Variants in ADAM23 observed in about 807,000 individuals in gnomAD.
ADAM23 encodes ADAM metallopeptidase domain 23.
ADAM23 carries 33 observed loss-of-function variants against 120.1 expected under a neutral mutation model. That is an observed-to-expected ratio of 0.27 (90% CI 0.21 to 0.37). The LOEUF (loss-of-function observed/expected upper bound fraction) is 0.37, where lower values mean the gene tolerates loss of function less well. Among genes scored for constraint, ADAM23 ranks in the 10% least tolerant of loss-of-function variants. The pLI is 1.00. For missense variants in ADAM23, 862 were observed against 1,058.2 expected, an observed-to-expected ratio of 0.81 and a Z score of 2.57; for synonymous variants, 367 against 375.2, an observed-to-expected ratio of 0.98 and a Z score of 0.25.
chr2:206,449,158 C>T (rs759750445), intron 2 of ADAM23, among the ~76,000 whole-genome samples: 13 of 152,112 alleles, frequency 8.5e-5, no homozygotes, highest in African/African-American at 2.4e-4. Flanking sequence ...CCCTCCCATA[C>T]GTCAGATGTC....
intron 3 of ADAM23, among the ~76,000 whole-genome samples, chr2:206,510,308 A>T (rs1696596325): frequency 6.6e-6 from 1 of 152,226 alleles, no homozygotes; most frequent in Admixed American, 6.5e-5. Flanking sequence ...AACAAAACAT[A>T]TTACTTGCTA....
At chr2:206,474,661 A>G (rs1695738274) in intron 2 of ADAM23, among the ~76,000 whole-genome samples, 1 of 152,180 alleles carries the variant, frequency 6.6e-6, no homozygotes, top group African/African-American at 2.4e-5. Context: ...TGCAGCCTCA[A>G]ACACCTGGGC....
chr2:206,461,142 A>G (rs1695409984), intron 2 of ADAM23, among the ~76,000 whole-genome samples: 1 of 146,826 alleles, frequency 6.8e-6, no homozygotes, highest in Non-Finnish European at 1.5e-5. Flanking sequence ...GGCTCACTGC[A>G]ACATCGCCTC....
At chr2:206,600,975 C>T (rs927906383) in intron 24 of ADAM23, among the ~76,000 whole-genome samples, 3 of 152,148 alleles carry the variant, frequency 2.0e-5, no homozygotes, top group East Asian at 3.8e-4. Context: ...GTCCTTCTCT[C>T]AACTTGTTTC....
At chr2:206,592,823 G>T (rs1290591825) in intron 22 of ADAM23, 87 bp downstream of exon 22, 5 of 1,471,958 alleles carry the variant, frequency 3.4e-6, no homozygotes, top group Admixed American at 2.1e-5. Context: ...AGAAATCAAA[G>T]ATTTTTCTAG....
chr2:206,548,805 C>T (rs146331169), intron 8 of ADAM23, among the ~76,000 whole-genome samples: 2 of 152,222 alleles, frequency 1.3e-5, no homozygotes, highest in East Asian at 1.9e-4. Flanking sequence ...AGATTAAAAA[C>T]TCTGTTACAC....
chr2:206,610,464 G>A (rs959215265), intron 25 of ADAM23, among the ~76,000 whole-genome samples: 5 of 152,162 alleles, frequency 3.3e-5, no homozygotes, highest in African/African-American at 1.2e-4. Flanking sequence ...AGTATATGTA[G>A]CTTTGTGATT....
intron 3 of ADAM23, among the ~76,000 whole-genome samples, chr2:206,496,932 C>A (rs1574497624): frequency 6.6e-6 from 1 of 152,166 alleles, no homozygotes; most frequent in Non-Finnish European, 1.5e-5. Flanking sequence ...GACACATACA[C>A]TCTCCCAAGA....
chr2:206,579,241 G>A (rs1194291938), intron 18 of ADAM23, among the ~76,000 whole-genome samples: 1 of 151,968 alleles, frequency 6.6e-6, no homozygotes, highest in Non-Finnish European at 1.5e-5. Flanking sequence ...GTTTAATTAG[G>A]TCCCAACTAT....
intron 24 of ADAM23, among the ~76,000 whole-genome samples, chr2:206,603,429 T>G (rs989068406): frequency 4.6e-5 from 7 of 152,200 alleles, no homozygotes; most frequent in African/African-American, 1.7e-4. Flanking sequence ...ACAACCATGT[T>G]CAGTACAATG....
intron 4 of ADAM23, among the ~76,000 whole-genome samples, chr2:206,536,894 C>CG (rs1444936143): frequency 1.3e-5 from 2 of 151,848 alleles, no homozygotes; most frequent in African/African-American, 2.4e-5. Flanking sequence ...TTAGTAGAGA[C>CG]GGGGTGTCAC....
At chr2:206,470,312 A>G (rs1275766600) in intron 2 of ADAM23, among the ~76,000 whole-genome samples, 1 of 151,328 alleles carries the variant, frequency 6.6e-6, no homozygotes, top group Non-Finnish European at 1.5e-5. Flanking sequence ...TCACATTTAG[A>G]AAAAAAAATG....
chr2:206,591,791 T>C (rs1315650841), intron 21 of ADAM23, among the ~76,000 whole-genome samples: 23 of 152,232 alleles, frequency 1.5e-4, no homozygotes, highest in Admixed American at 1.4e-3. Flanking sequence ...AATTTTATTG[T>C]ACCATATTTC....
intron 6 of ADAM23, among the ~76,000 whole-genome samples, chr2:206,544,413 GA>G (rs1349375211): frequency 7.2e-5 from 11 of 152,068 alleles, no homozygotes; most frequent in African/African-American, 2.4e-4. Flanking sequence ...ATATTGTATT[GA>G]GGGCTTACTA....
At chr2:206,558,645 A>G (rs1697695034) in intron 10 of ADAM23, among the ~76,000 whole-genome samples, 1 of 152,198 alleles carries the variant, frequency 6.6e-6, no homozygotes, top group Non-Finnish European at 1.5e-5. Context: ...GTGAATGTGG[A>G]AAAGAGAATC....
At chr2:206,486,651 C>T (rs929917964) in intron 3 of ADAM23, among the ~76,000 whole-genome samples, 12 of 152,034 alleles carry the variant, frequency 7.9e-5, no homozygotes, top group African/African-American at 2.9e-4. Context: ...TTCTTAACTT[C>T]TTCCTTTTCT....
In ADAM23 at chr2:206,559,975, C is replaced by T; in HGVS notation, c.1026C>T (p.Asn342=). 1 of 1,613,804 alleles carries T rather than the reference C, an allele frequency of 6.2e-7. No individual in the cohort carries two copies. Among genetic ancestry groups the T allele is most frequent in the Non-Finnish European group, 8.5e-7 (1 of 1,179,872 alleles). Residue 342 remains asparagine (N), a synonymous_variant, in exon 11 of 26, where the codon AAC becomes AAT. Transcript: ENST00000264377. The part of the protein sequence containing the change: ...LVDSIYKEQL[N]TRVVLVAVET... ...CTCAGATTTACAAGGAGCAGCTCAA[C>T]ACCAGGGTTGTCCTGGTGGCTGTAG... is the stretch of plus-strand genomic sequence containing the variant.
In ADAM23 at chr2:206,620,075, G is replaced by A. The variant is rs1027445862; in HGVS notation, c.*2448G>A. On this transcript the variant is annotated 3_prime_UTR_variant, in exon 26 of 26. Coordinates refer to ENST00000264377, the MANE Select transcript of ADAM23 (RefSeq NM_003812.4). ...ACTCTCTAGTAGATACTAAACTGCT[G>A]TGAAGTACACCATACACATTTCACT... The A allele has an allele frequency of 1.3e-5, 2 of 152,194 alleles. No individual in the cohort carries two copies. Among genetic ancestry groups the A allele is most frequent in the Non-Finnish European group, 1.5e-5 (1 of 68,040 alleles). The allele number at this position is 152,194 out of a possible 1,614,324, so 9.4% of individuals were successfully genotyped here. A position where few individuals can be genotyped will look rare whatever the true frequency, so the allele number is the denominator to read the frequency against.
intron 6 of ADAM23, among the ~76,000 whole-genome samples, chr2:206,545,213 C>T (rs1697370862): frequency 1.3e-5 from 2 of 152,212 alleles, no homozygotes; most frequent in South Asian, 2.1e-4. Context: ...TTGGGCTGGG[C>T]GTGGTAGCTC....
Sources: gnomAD v4.1 joint callset for allele counts (sites outside exome capture counted in the v4.1 genomes callset) on GRCh38, gnomAD v4.1.1 for gene constraint, MANE v1.5 for transcripts, NCBI Gene and HGNC (gene_info 2026-07-23, HGNC 2026-07-21) for gene names.